Variants in HDAC4 observed in about 807,000 individuals in gnomAD.
HDAC4 encodes histone deacetylase A.
A neutral mutation model predicts 135.1 loss-of-function variants in HDAC4; 16 were observed. The observed-to-expected ratio is 0.12, with a 90% CI of 0.08 to 0.18. The LOEUF is 0.18. HDAC4 is among the 10% of genes least tolerant of loss of function. HDAC4 has a pLI of 1.00. For missense variants in HDAC4, 1,143 were observed against 1,511.8 expected (o/e 0.76, Z 4.05); for synonymous variants, 685 against 653.4 (o/e 1.05, Z -0.74).
At chr2:239,178,930 C>T (rs988992176) in intron 4 of HDAC4, among the ~76,000 whole-genome samples, 9 of 152,028 alleles carry the variant, frequency 5.9e-5, no homozygotes, top group Admixed American at 3.3e-4. Context: ...GGTGTGTGTG[C>T]GAGGCAGCCA....
chr2:239,281,567 C>G (rs928294546), intron 2 of HDAC4, among the ~76,000 whole-genome samples: 5 of 149,492 alleles, frequency 3.3e-5, no homozygotes, highest in African/African-American at 1.2e-4. Flanking sequence ...ACACACCACT[C>G]TACAATGTAC....
At chr2:239,106,482 GTGTCTGCTGGGCAA>G (rs952871641) in intron 15 of HDAC4, among the ~76,000 whole-genome samples, 1 of 152,148 alleles carries the variant, frequency 6.6e-6, no homozygotes, top group African/African-American at 2.4e-5. Flanking sequence ...CCTGCAGCCA[GTGTCTGCTGGGCAA>G]TGCTGCCCTC....
chr2:239,103,007 A>G (rs2037799914), intron 15 of HDAC4, 111 bp from the exon 16 acceptor site: 1 of 1,329,424 alleles, frequency 7.5e-7, no homozygotes, highest in South Asian at 1.2e-5. Flanking sequence ...TTAATTTGAT[A>G]CAAAAACAAG....
chr2:239,168,413 C>A (rs2043241967), intron 5 of HDAC4, among the ~76,000 whole-genome samples: 1 of 152,176 alleles, frequency 6.6e-6, no homozygotes. Flanking sequence ...TGTGTTCTTG[C>A]TAAACATGAT....
chr2:239,340,754 A>G (rs1436183841), intron 2 of HDAC4, among the ~76,000 whole-genome samples: 3 of 152,180 alleles, frequency 2.0e-5, no homozygotes, highest in East Asian at 3.9e-4. Context: ...CACTGAGAGG[A>G]CATCTGTGCC....
At chr2:239,069,688 C>T (rs1440039883) in intron 22 of HDAC4, among the ~76,000 whole-genome samples, 1 of 112,970 alleles carries the variant, frequency 8.9e-6, no homozygotes, top group Non-Finnish European at 2.0e-5. Flanking sequence ...ACTGCACTTG[C>T]TTGGTGAGAG....
At chr2:239,337,788 A>T (rs1245055108) in intron 2 of HDAC4, among the ~76,000 whole-genome samples, 1 of 152,190 alleles carries the variant, frequency 6.6e-6, no homozygotes, top group African/African-American at 2.4e-5. Flanking sequence ...GCCAGGCAGG[A>T]CAACCGGCTT....
intron 13 of HDAC4, 64 bp from the exon 14 acceptor site, chr2:239,111,776 A>G (rs2152800160): frequency 6.8e-7 from 1 of 1,464,566 alleles, no homozygotes; most frequent in Non-Finnish European, 9.4e-7. Flanking sequence ...CTGCAGGGCT[A>G]GGGGTTGCCC....
At chr2:239,125,193 T>C (rs6543511) in intron 12 of HDAC4, among the ~76,000 whole-genome samples, 82,847 of 151,986 alleles carry the variant, frequency 0.55, 22,771 homozygotes, top group East Asian at 0.75. Flanking sequence ...TGGCAGGAGG[T>C]GGCTGGATCA....
At chr2:239,103,389 C>T (rs544085458) in intron 15 of HDAC4, among the ~76,000 whole-genome samples, 14 of 152,300 alleles carry the variant, frequency 9.2e-5, no homozygotes, top group East Asian at 7.7e-4. Context: ...AGCTGGCATC[C>T]GGCTGCGTCT....
chr2:239,303,030 G>A lies in HDAC4; in HGVS notation c.22+49648C>T, dbSNP rs914450921. Among the ~76,000 whole-genome samples, 1 of 152,260 alleles carries A rather than the reference G, an allele frequency of 6.6e-6. No homozygotes were observed. Among genetic ancestry groups the A allele is most frequent in the African/African-American group, 2.4e-5 (1 of 41,566 alleles). ...GGCTGGGCGTCACCCCTGCCACCTC[G>A]GGAGTCCTCAAACCCCCCCCGGGTG... On this transcript the variant is annotated intron_variant, in intron 2 of 26. Transcript: ENST00000543185. This position sits in a 1 kb window ranked among gnomAD's most constrained non-coding sequence, Gnocchi z 5.1.
chr2:239,315,542 G>T (rs1323557116), intron 2 of HDAC4, among the ~76,000 whole-genome samples: 1 of 152,154 alleles, frequency 6.6e-6, no homozygotes, highest in African/African-American at 2.4e-5. Context: ...GCTTCAGAGA[G>T]CACGACAGAC....
At chr2:239,062,780 C>T (rs368344040) in intron 24 of HDAC4, among the ~76,000 whole-genome samples, 122 of 152,354 alleles carry the variant, frequency 8.0e-4, no homozygotes, top group African/African-American at 2.7e-3. Flanking sequence ...CCAGCTCACC[C>T]GCTGCAGGGA....
In HDAC4 at chr2:239,331,217, T is replaced by A. The variant is rs920312162; in HGVS notation, c.22+21461A>T. On this transcript the variant is annotated intron_variant, in intron 2 of 26. Transcript: ENST00000543185. The surrounding 1 kb of genome is among the most constrained non-coding windows in gnomAD (Gnocchi z 4.5). ...GGCACGAAACTCAACGTCCTGCACATGATTCCTAAAGCTAAATCTGGAATG... is the reference window on the plus strand; with the variant it reads ...GGCACGAAACTCAACGTCCTGCACAAGATTCCTAAAGCTAAATCTGGAATG... Among the ~76,000 whole-genome samples, 5 of 152,012 alleles carry A rather than the reference T, an allele frequency of 3.3e-5. No homozygotes were observed. The highest frequency in any genetic ancestry group is 1.2e-4 in the African/African-American group (5 of 41,352).
chr2:239,286,406 A>G (rs2051138711), intron 2 of HDAC4, among the ~76,000 whole-genome samples: 1 of 152,256 alleles, frequency 6.6e-6, no homozygotes, highest in African/African-American at 2.4e-5. Flanking sequence ...TCAAAATACA[A>G]AAATGAAGGA....
intron 3 of HDAC4, among the ~76,000 whole-genome samples, chr2:239,211,753 A>G (rs1422230631): frequency 1.3e-5 from 2 of 152,204 alleles, no homozygotes; most frequent in East Asian, 1.9e-4. Flanking sequence ...CTTAAGCCAT[A>G]TAACATATTC....
chr2:239,163,013 C>T (rs1023585386), intron 6 of HDAC4, among the ~76,000 whole-genome samples: 14 of 152,078 alleles, frequency 9.2e-5, no homozygotes, highest in African/African-American at 2.4e-4. Flanking sequence ...CATTTCAAAG[C>T]GATCCTCTGT....
intron 4 of HDAC4, 105 bp from the exon 5 acceptor site, chr2:239,176,668 T>C (rs887549490): frequency 1.4e-5 from 15 of 1,050,980 alleles, no homozygotes; most frequent in Non-Finnish European, 2.1e-5. Context: ...ACGTCTGCCC[T>C]GGTGTGGCCC....
chr2:239,293,558 G>A (rs1284505535), intron 2 of HDAC4, among the ~76,000 whole-genome samples: 3 of 152,190 alleles, frequency 2.0e-5, no homozygotes, highest in African/African-American at 7.2e-5. Context: ...AAGGGGTCAA[G>A]AGCCAGGCAG....
Sources: allele counts gnomAD v4.1 joint callset (sites outside exome capture counted in the v4.1 genomes callset), GRCh38; gene constraint gnomAD v4.1.1; non-coding constraint Gnocchi (gnomAD v3.1); transcripts MANE v1.5; gene names NCBI Gene and HGNC (gene_info 2026-07-23, HGNC 2026-07-21).